Variants in SNRPN observed in about 807,000 individuals in gnomAD.
SNRPN encodes small nuclear ribonucleoprotein-associated protein N.
SNRPN carries 7 observed loss-of-function variants against 25.2 expected under a neutral mutation model. The ratio of observed to expected loss-of-function variants is 0.28; its 90% CI spans 0.16 to 0.52. The LOEUF (loss-of-function observed/expected upper bound fraction) is 0.52. Among genes scored for constraint, SNRPN ranks in the 20% least tolerant of loss-of-function variants. The pLI, the probability that SNRPN is intolerant of heterozygous loss-of-function variation, is 0.96. For missense variants in SNRPN, 196 were observed against 322.5 expected, an observed-to-expected ratio of 0.61 and a Z score of 3.00; for synonymous variants, 124 against 110.6, an observed-to-expected ratio of 1.12 and a Z score of -0.76.
At chr15:24,840,381 AG>A (rs993805556) in intron 2 of SNRPN, among the ~76,000 whole-genome samples, 1 of 152,098 alleles carries the variant, frequency 6.6e-6, no homozygotes, top group African/African-American at 2.4e-5. Flanking sequence ...TAAAATAAAG[AG>A]GGATATTTGG....
rs575252882 is a variant in SNRPN, at chr15:24,973,374, G to A, written c.-143-937G>A. Among the ~76,000 whole-genome samples, 17 of 152,164 alleles carry A rather than the reference G, an allele frequency of 1.1e-4. No individual in the cohort carries two copies. In the South Asian group the frequency reaches 3.3e-3, roughly 30 times the overall value. ...TCACCAAATGCATTTCTCCTAATGTGTCCCCATTACGTGACTTATTTATTT... is the reference window on the plus strand; with the variant it reads ...TCACCAAATGCATTTCTCCTAATGTATCCCCATTACGTGACTTATTTATTT... On this transcript the variant is annotated intron_variant, in intron 3 of 9. Transcript: ENST00000390687.
intron 3 of SNRPN, among the ~76,000 whole-genome samples, chr15:24,933,488 A>T (rs1323898184): frequency 1.3e-5 from 2 of 151,968 alleles, no homozygotes; most frequent in East Asian, 3.9e-4. Flanking sequence ...GCAAGCCCCT[A>T]GGTCTTAGGC....
At chr15:24,930,608 A>G (rs1176260510) in intron 3 of SNRPN, among the ~76,000 whole-genome samples, 1 of 150,584 alleles carries the variant, frequency 6.6e-6, no homozygotes, top group Non-Finnish European at 1.5e-5. Flanking sequence ...AAAAAAAAAA[A>G]AGTCTGGGTG....
intron 1 of SNRPN, among the ~76,000 whole-genome samples, chr15:24,868,108 T>TGG (rs2054749881): frequency 7.2e-6 from 1 of 139,560 alleles, no homozygotes; most frequent in African/African-American, 2.9e-5. Context: ...TGCATGTATA[T>TGG]GGGTGTGTGT....
At chr15:24,875,045 C>G (rs779930754) in intron 1 of SNRPN, among the ~76,000 whole-genome samples, 1 of 152,038 alleles carries the variant, frequency 6.6e-6, no homozygotes, top group African/African-American at 2.4e-5. Context: ...CGAATTTATT[C>G]CTATATTGTG....
chr15:24,874,846 AT>A (rs1167128019), intron 1 of SNRPN, among the ~76,000 whole-genome samples: 1 of 152,184 alleles, frequency 6.6e-6, no homozygotes, highest in Non-Finnish European at 1.5e-5. Context: ...GTTGAAGGTG[AT>A]TCAGAAGAGT....
chr15:24,832,699 G>A (rs930310386), intron 2 of SNRPN, among the ~76,000 whole-genome samples: 1 of 151,972 alleles, frequency 6.6e-6, no homozygotes, highest in African/African-American at 2.4e-5. Flanking sequence ...TGGGTCCATG[G>A]CATCTTGGAC....
At chr15:24,951,567 G>A (rs974839441), upstream of SNRPN, among the ~76,000 whole-genome samples, 1 of 151,438 alleles carries the variant, frequency 6.6e-6, no homozygotes, top group Non-Finnish European at 1.5e-5. Context: ...GAGTGCAGTG[G>A]CGTGATCTGG....
chr15:24,902,688 G>A (rs554101505), intron 2 of SNRPN, among the ~76,000 whole-genome samples: 15 of 152,278 alleles, frequency 9.9e-5, no homozygotes, highest in Admixed American at 3.9e-4. Context: ...ACAGACCTTC[G>A]CAGTCAGTGT....
chr15:24,885,747 TGTGTG>T (rs2057142549), intron 1 of SNRPN, among the ~76,000 whole-genome samples: 1 of 151,892 alleles, frequency 6.6e-6, no homozygotes, highest in African/African-American at 2.4e-5. Context: ...TGTGTGTGTG[TGTGTG>T]TATGTCTGGG....
chr15:24,969,367 G>A (rs2153602251), intron 3 of SNRPN, among the ~76,000 whole-genome samples: 1 of 144,918 alleles, frequency 6.9e-6, no homozygotes, highest in South Asian at 2.2e-4. Flanking sequence ...GAACTCAGGT[G>A]ATCCACCTGC....
chr15:24,857,390 T>C (rs1469292267), intron 1 of SNRPN, among the ~76,000 whole-genome samples: 1 of 152,176 alleles, frequency 6.6e-6, no homozygotes, highest in East Asian at 1.9e-4. Flanking sequence ...TTTCTTACTA[T>C]TTGATGAATG....
rs112281940 is a variant in SNRPN at position 24,944,464 on chromosome 15, A to G, written c.-390-17650A>G. On this transcript the variant is annotated intron_variant, in intron 3 of 11. Transcript: ENST00000400097. ...TGGGATCCCAGCACTTTGGGAGGCC[A>G]AGGTGGGTGGATCACCTGAGGTCAG... Among the ~76,000 whole-genome samples the G allele has an allele frequency of 2.7e-3, 411 of 152,278 alleles. 1 individual carries two copies. Among genetic ancestry groups the G allele is most frequent in the African/African-American group, 9.4e-3 (391 of 41,566 alleles).
intron 2 of SNRPN, among the ~76,000 whole-genome samples, chr15:24,916,655 C>T (rs1471171815): frequency 1.3e-5 from 2 of 152,160 alleles, no homozygotes; most frequent in Admixed American, 1.3e-4. Context: ...ATAGGTAGAT[C>T]ATATAATGGT....
chr15:24,882,232 G>A (rs897619103), intron 1 of SNRPN, among the ~76,000 whole-genome samples: 66 of 139,832 alleles, frequency 4.7e-4, no homozygotes, highest in African/African-American at 1.7e-3. Flanking sequence ...TTGCTACAAA[G>A]CCTTTAAAAA....
intron 2 of SNRPN, among the ~76,000 whole-genome samples, chr15:24,839,035 G>T (rs1327428620): frequency 2.0e-5 from 3 of 152,004 alleles, no homozygotes; most frequent in Non-Finnish European, 4.4e-5. Context: ...CACAGGAACA[G>T]CCTAATTAGC....
intron 3 of SNRPN, among the ~76,000 whole-genome samples, chr15:24,973,817 A>G (rs1281085394): frequency 6.6e-6 from 1 of 152,222 alleles, no homozygotes; most frequent in African/African-American, 2.4e-5. Context: ...AGTCTTAGGC[A>G]GGTTTATAAC....
At chr15:24,870,855 ATT>A (rs11367544) in intron 1 of SNRPN, among the ~76,000 whole-genome samples, 24,146 of 147,064 alleles carry the variant, frequency 0.16, 2,319 homozygotes, top group African/African-American at 0.2. Flanking sequence ...CCTACAAATA[ATT>A]TTTTTTTTTT....
intron 3 of SNRPN, among the ~76,000 whole-genome samples, chr15:24,972,714 T>G (rs2076579899): frequency 6.6e-6 from 1 of 152,096 alleles, no homozygotes; most frequent in South Asian, 2.1e-4. Flanking sequence ...TCTGGCTAGA[T>G]TTGGTTGCCA....
Sources: gnomAD v4.1 joint callset for allele counts (sites outside exome capture counted in the v4.1 genomes callset) on GRCh38, gnomAD v4.1.1 for gene constraint, MANE v1.5 for transcripts, NCBI Gene and HGNC (gene_info 2026-07-23, HGNC 2026-07-21) for gene names.